Variants in ZNF469 observed in about 807,000 individuals in gnomAD.
ZNF469 encodes zinc finger protein 469.
ZNF469 carries 1 observed loss-of-function variant against 1.0 expected under a neutral mutation model. The observed-to-expected ratio is 1.00, with a 90% CI of 0.35 to 4.73. ZNF469 has a LOEUF of 4.73. ZNF469 is among the 30% of genes most tolerant of loss of function. The probability of loss-of-function intolerance (pLI) is 0.16; values close to 1 mark genes in which losing one functional copy is unlikely to be tolerated. For missense variants in ZNF469, 6,100 were observed against 5,356.3 expected (o/e 1.14, Z -4.33); for synonymous variants, 2,703 against 2,363.4 (o/e 1.14, Z -4.17).
chr16:88,398,418 CAT>C (rs1904755114), intron 1 of ZNF469, among the ~76,000 whole-genome samples: 1 of 149,018 alleles, frequency 6.7e-6, no homozygotes, highest in Non-Finnish European at 1.5e-5. Context: ...GATGAAGGGA[CAT>C]GTGGGCCACG....
the ZNF469 span, among the ~76,000 whole-genome samples, chr16:88,223,897 C>A: frequency 6.6e-6 from 1 of 152,254 alleles, no homozygotes; most frequent in East Asian, 1.9e-4. Flanking sequence ...TCATCTCACG[C>A]TCAGCACCGC....
the ZNF469 span, among the ~76,000 whole-genome samples, chr16:88,265,178 C>T: frequency 1.6e-4 from 24 of 152,210 alleles, 1 homozygote; most frequent in Non-Finnish European, 2.2e-4. Context: ...CCCTGGCCGC[C>T]GCCCACTGTC....
the ZNF469 span, among the ~76,000 whole-genome samples, chr16:88,179,763 C>T: frequency 2.0e-5 from 3 of 152,162 alleles, no homozygotes; most frequent in Non-Finnish European, 4.4e-5. Context: ...AAAAAGATAT[C>T]CAAAGACAGA....
intron 1 of ZNF469, among the ~76,000 whole-genome samples, chr16:88,421,042 G>A (rs916995503): frequency 2.0e-5 from 3 of 152,098 alleles, no homozygotes; most frequent in African/African-American, 7.2e-5. Flanking sequence ...GGGACCAGGG[G>A]CAGATTGGGG....
the ZNF469 span, among the ~76,000 whole-genome samples, chr16:88,114,211 G>A: frequency 2.7e-5 from 4 of 148,122 alleles, 2 homozygotes; most frequent in Non-Finnish European, 6.0e-5. Context: ...CACTCACTGC[G>A]GGGGTCTCCG....
chr16:88,254,849 A>T, the ZNF469 span, among the ~76,000 whole-genome samples: 1 of 152,228 alleles, frequency 6.6e-6, no homozygotes, highest in Non-Finnish European at 1.5e-5. Context: ...CAAAAAAAAA[A>T]ATCAGCTAGA....
rs1906412110 is a variant in ZNF469 at position 88,434,310 on chromosome 16, C to G, written c.6840C>G (p.Ser2280Arg). 3 of 1,550,330 alleles carry G rather than the reference C, an allele frequency of 1.9e-6. No individual in the cohort carries two copies. Among genetic ancestry groups the G allele is most frequent in the Non-Finnish European group, 2.6e-6 (3 of 1,146,948 alleles). Residue 2280 changes from serine (S) to arginine (R), a missense_variant, in exon 3 of 3, where the codon AGC (serine) becomes AGG (arginine). Physicochemically the swap from Ser to Arg is moderately radical, Grantham distance 110. Coordinates refer to ENST00000565624, the MANE Select transcript of ZNF469 (RefSeq NM_001367624.2). ...CTCTGGCAGGGGCCGTCTCCCCCAG[C>G]GTGGCCGTCAGGGCTACTGGCCTGT... ...SPPLAGAVSP[S>R]VAVRATGLSS...
At chr16:88,150,412 T>G in the ZNF469 span, among the ~76,000 whole-genome samples, 1 of 152,140 alleles carries the variant, frequency 6.6e-6, no homozygotes, top group Non-Finnish European at 1.5e-5. Context: ...TGTTTTTTGG[T>G]TTTTGTATAA....
chr16:88,115,769 C>T, the ZNF469 span, among the ~76,000 whole-genome samples: 8 of 151,840 alleles, frequency 5.3e-5, no homozygotes, highest in African/African-American at 9.7e-5. Context: ...ATACTCCCTC[C>T]GGAGGCTCTG....
chr16:88,274,585 C>G, the ZNF469 span, among the ~76,000 whole-genome samples: 2 of 152,226 alleles, frequency 1.3e-5, no homozygotes, highest in Non-Finnish European at 2.9e-5. Flanking sequence ...GAGGGCAGGC[C>G]GTGTCCTGAT....
the ZNF469 span, among the ~76,000 whole-genome samples, chr16:88,182,785 G>A: frequency 1.5e-4 from 22 of 150,930 alleles, no homozygotes; most frequent in South Asian, 2.1e-4. Flanking sequence ...ATTTAAAACC[G>A]TAAAACATCT....
rs59448057 is a variant in ZNF469 at position 88,403,454 on chromosome 16, A to G, written c.-192+20200A>G. Among the ~76,000 whole-genome samples, 448 of 152,142 alleles carry G rather than the reference A, an allele frequency of 2.9e-3. 1 individual carries two copies. Among genetic ancestry groups the G allele is most frequent in the African/African-American group, 0.01 (435 of 41,482 alleles). ...AGGTCACTGCTCTCCCAGGCACCAC[A>G]GAGCTCACACCGCCATCTCGGGAGC... On this transcript the variant is annotated intron_variant, in intron 1 of 2. Coordinates refer to ENST00000565624, the MANE Select transcript of ZNF469 (RefSeq NM_001367624.2).
At chr16:88,258,036 A>G in the ZNF469 span, among the ~76,000 whole-genome samples, 5 of 152,388 alleles carry the variant, frequency 3.3e-5, no homozygotes, top group Admixed American at 2.6e-4. Context: ...GGAAACACTT[A>G]TAAAATAGCT....
At chr16:88,395,733 G>C (rs1163974816) in intron 1 of ZNF469, among the ~76,000 whole-genome samples, 1 of 152,228 alleles carries the variant, frequency 6.6e-6, no homozygotes, top group Non-Finnish European at 1.5e-5. Flanking sequence ...CCTGAAGGCA[G>C]AAGCTCTAGA....
the ZNF469 span, among the ~76,000 whole-genome samples, chr16:88,175,234 G>T: frequency 1.3e-5 from 2 of 152,158 alleles, no homozygotes; most frequent in Non-Finnish European, 2.9e-5. Context: ...GGGTAACTGG[G>T]ACTGTAACCT....
At chr16:88,288,062 A>G in the ZNF469 span, among the ~76,000 whole-genome samples, 2 of 151,980 alleles carry the variant, frequency 1.3e-5, no homozygotes, top group African/African-American at 2.4e-5. Context: ...TATCCATTTC[A>G]TCTTTGTGGA....
chr16:88,257,332 T>G, the ZNF469 span, among the ~76,000 whole-genome samples: 1 of 83,154 alleles, frequency 1.2e-5, no homozygotes, highest in African/African-American at 3.1e-5. Context: ...TTTAAGATCT[T>G]TGGCCCACTT....
chr16:88,137,802 C>G, the ZNF469 span, among the ~76,000 whole-genome samples: 1 of 152,178 alleles, frequency 6.6e-6, no homozygotes, highest in South Asian at 2.1e-4. Flanking sequence ...ATGTTTGATA[C>G]GAGGCATGGT....
the ZNF469 span, among the ~76,000 whole-genome samples, chr16:88,226,008 C>T: frequency 6.6e-6 from 1 of 152,058 alleles, no homozygotes; most frequent in African/African-American, 2.4e-5. Context: ...CTCTGTAGCC[C>T]CAGGATGGTC....
Sources: gnomAD v4.1 joint callset for allele counts (sites outside exome capture counted in the v4.1 genomes callset) on GRCh38, gnomAD v4.1.1 for gene constraint, MANE v1.5 for transcripts, NCBI Gene and HGNC (gene_info 2026-07-23, HGNC 2026-07-21) for gene names.